HPSE2: variants seen among roughly 807,000 people sequenced by gnomAD.
The protein encoded by HPSE2 is inactive heparanase-2.
HPSE2 carries 38 observed loss-of-function variants against 60.5 expected under a neutral mutation model. That is an observed-to-expected ratio of 0.63 (90% confidence interval 0.48 to 0.82). HPSE2 has a LOEUF of 0.82. Ranked by LOEUF, HPSE2 falls within the 40% of genes least tolerant of loss-of-function variation. HPSE2 has a pLI of 0.00. For synonymous variants in HPSE2, 295 were observed against 293.2 expected (o/e 1.01, Z -0.06); for missense variants, 713 against 740.4 (o/e 0.96, Z 0.43).
Position 99,144,267 on chromosome 10 carries a change from G to A in HPSE2, c.581C>T (p.Ser194Phe), listed in dbSNP as rs751273504. 1.9e-6 allele frequency: 3 copies of A among 1,613,986 alleles called. No individual in the cohort carries two copies. The South Asian group carries it at 3.3e-5, about 18-fold the overall frequency. ...TAATATGAGATTACTGTAAGTATTG[G>A]AGAATTGCTCCTTTAGAAGAACCAG... ...MHLVLLKEQF[S>F]NTYSNLILTA... The change falls in exon 3 of 12, where the codon TCC (serine) becomes TTC (phenylalanine). Residue 194 changes from serine (S) to phenylalanine (F), a missense_variant. Physicochemically the swap from Ser to Phe is radical, Grantham distance 155. Transcript: ENST00000370552.
At chr10:98,963,308 A>T (rs1955729504) in intron 3 of HPSE2, among the ~76,000 whole-genome samples, 1 of 152,210 alleles carries the variant, frequency 6.6e-6, no homozygotes, top group South Asian at 2.1e-4. Context: ...CAAAAAGCGT[A>T]AAGTATAAAA....
chr10:99,283,058 C>T, the HPSE2 span, among the ~76,000 whole-genome samples: 130,047 of 151,898 alleles, frequency 0.86, 56,026 homozygotes, highest in African/African-American at 0.92. Context: ...TGGTGGCAGG[C>T]GCCTGTAGTC....
chr10:98,930,734 T>C (rs902370492), intron 3 of HPSE2, among the ~76,000 whole-genome samples: 2 of 143,818 alleles, frequency 1.4e-5, no homozygotes, highest in African/African-American at 2.8e-5. Flanking sequence ...GATGTTGAGC[T>C]GTTTTTCATG....
intron 3 of HPSE2, among the ~76,000 whole-genome samples, chr10:99,049,567 G>C (rs1423202485): frequency 6.6e-6 from 1 of 151,918 alleles, no homozygotes; most frequent in South Asian, 2.1e-4. Flanking sequence ...TTAAAGGCTA[G>C]CTTCTAGTTA....
chr10:99,050,552 G>A (rs1042398069), intron 3 of HPSE2, among the ~76,000 whole-genome samples: 9 of 151,990 alleles, frequency 5.9e-5, no homozygotes, highest in East Asian at 1.9e-4. Flanking sequence ...TCACAATAAC[G>A]CTGCAATAAA....
rs774393556 is a variant in HPSE2, at chr10:98,675,539, TACACACAC to T, written c.1004+18353_1004+18360del. 6.6e-4 allele frequency among the ~76,000 whole-genome samples: 80 copies of T among 121,594 alleles called. 2 individuals carry two copies. The highest frequency in any genetic ancestry group is 1.9e-3 in the African/African-American group (68 of 35,998). 79.8% of individuals were successfully genotyped at this position (121,594 alleles called of 152,430 possible). A position where few individuals can be genotyped will look rare whatever the true frequency, so the allele number is the denominator to read the frequency against. ...TAAGCAACACAGTGAGATCCCTGTC[TACACACAC>T]ACACACACACACACACACACACACA... On this transcript the variant is annotated intron_variant, in intron 6 of 11. Coordinates refer to ENST00000370552, the MANE Select transcript of HPSE2 (RefSeq NM_021828.5).
At chr10:99,121,841 T>A (rs938687640) in intron 3 of HPSE2, among the ~76,000 whole-genome samples, 1 of 152,184 alleles carries the variant, frequency 6.6e-6, no homozygotes, top group African/African-American at 2.4e-5. Context: ...CATCATGACA[T>A]CATTTATAAT....
intron 2 of HPSE2, among the ~76,000 whole-genome samples, chr10:99,154,376 G>A (rs1481500822): frequency 3.9e-5 from 3 of 76,498 alleles, no homozygotes; most frequent in Middle Eastern, 4.4e-3. Flanking sequence ...CCCTCAAAGG[G>A]AAGCCCATCA....
chr10:98,705,567 T>TA (rs1386064392), intron 5 of HPSE2, among the ~76,000 whole-genome samples: 2 of 152,158 alleles, frequency 1.3e-5, no homozygotes, highest in Non-Finnish European at 2.9e-5. Flanking sequence ...CATGGAATAA[T>TA]ACGCAGCCTT....
intron 3 of HPSE2, among the ~76,000 whole-genome samples, chr10:98,776,746 T>G (rs957450452): frequency 5.9e-5 from 9 of 151,440 alleles, no homozygotes; most frequent in East Asian, 1.9e-4. Flanking sequence ...TGGGTGGGAA[T>G]AGCCAGCATA....
intron 3 of HPSE2, among the ~76,000 whole-genome samples, chr10:98,843,880 A>G (rs1951975166): frequency 6.6e-6 from 1 of 152,210 alleles, no homozygotes; most frequent in Non-Finnish European, 1.5e-5. Context: ...TTAATTTTAG[A>G]TACATATATA....
intron 3 of HPSE2, among the ~76,000 whole-genome samples, chr10:98,801,727 T>C (rs1406457038): frequency 6.6e-6 from 1 of 152,162 alleles, no homozygotes; most frequent in African/African-American, 2.4e-5. Flanking sequence ...TCCATGTTCA[T>C]GGATTGGAAG....
intron 7 of HPSE2, among the ~76,000 whole-genome samples, chr10:98,622,928 G>T (rs189861436): frequency 2.6e-5 from 4 of 152,172 alleles, no homozygotes; most frequent in Admixed American, 1.3e-4. Flanking sequence ...CATCCATATG[G>T]CCAGATTAAA....
At chr10:99,183,824 T>G (rs1415520389) in intron 2 of HPSE2, among the ~76,000 whole-genome samples, 5 of 152,170 alleles carry the variant, frequency 3.3e-5, no homozygotes, top group Admixed American at 1.3e-4. Context: ...AATAGTTCAC[T>G]TTGGACAGCC....
At chr10:98,600,294 AT>A (rs1945361543) in intron 9 of HPSE2, among the ~76,000 whole-genome samples, 1 of 152,216 alleles carries the variant, frequency 6.6e-6, no homozygotes, top group Non-Finnish European at 1.5e-5. Context: ...CATGTTAATG[AT>A]TTTTAGAAGC....
chr10:99,027,182 T>C (rs1307469941), intron 3 of HPSE2, among the ~76,000 whole-genome samples: 1 of 151,794 alleles, frequency 6.6e-6, no homozygotes, highest in African/African-American at 2.4e-5. Context: ...AACCAAAAGT[T>C]GTTTTTTTGA....
At chr10:98,662,875 TAAAC>T (rs1328431266) in intron 6 of HPSE2, among the ~76,000 whole-genome samples, 1 of 152,180 alleles carries the variant, frequency 6.6e-6, no homozygotes, top group Non-Finnish European at 1.5e-5. Flanking sequence ...TGACTTGCAT[TAAAC>T]AAACAGAGAT....
At chr10:99,081,623 G>GAT (rs1564791644) in intron 3 of HPSE2, among the ~76,000 whole-genome samples, 1 of 112,214 alleles carries the variant, frequency 8.9e-6, no homozygotes, top group African/African-American at 2.8e-5. Context: ...ATGATGATGA[G>GAT]ATAATATAAT....
chr10:98,606,850 C>T (rs969576281), intron 9 of HPSE2, among the ~76,000 whole-genome samples: 3 of 152,034 alleles, frequency 2.0e-5, no homozygotes, highest in East Asian at 3.9e-4. Flanking sequence ...AAAAACATAA[C>T]GTATTATCTT....
Sources: gnomAD v4.1 joint callset for allele counts (sites outside exome capture counted in the v4.1 genomes callset) on GRCh38, gnomAD v4.1.1 for gene constraint, MANE v1.5 for transcripts, NCBI Gene and HGNC (gene_info 2026-07-23, HGNC 2026-07-21) for gene names.